The following BNC2 variants were observed in gnomAD, a reference collection of about 807,000 sequenced individuals.
The protein encoded by BNC2 is basonuclin zinc finger protein 2.
A neutral mutation model predicts 76.3 loss-of-function variants in BNC2; 20 were observed. That is an observed-to-expected ratio of 0.26 (90% confidence interval 0.18 to 0.38). BNC2 has a LOEUF of 0.38. BNC2 is among the 10% of genes least tolerant of loss of function. The pLI is 1.00. For missense variants in BNC2, 1,382 were observed against 1,399.8 expected, an observed-to-expected ratio of 0.99 and a Z score of 0.20; for synonymous variants, 582 against 514.8, an observed-to-expected ratio of 1.13 and a Z score of -1.77.
intron 5 of BNC2, chr9:16,476,168 C>T (rs1821923749): frequency 6.6e-6 from 1 of 152,212 alleles, no homozygotes; most frequent in South Asian, 2.1e-4. Flanking sequence ...AGTTCCACTG[C>T]TACTAGAAGC....
At chr9:16,820,700 A>G (rs1293668392) in intron 1 of BNC2, among the ~76,000 whole-genome samples, 1 of 152,170 alleles carries the variant, frequency 6.6e-6, no homozygotes, top group East Asian at 1.9e-4. Flanking sequence ...CTAGAGGAAA[A>G]ATATTTCTCA....
chr9:16,449,460 G>A (rs570350834), intron 5 of BNC2, among the ~76,000 whole-genome samples: 2 of 152,200 alleles, frequency 1.3e-5, no homozygotes, highest in Non-Finnish European at 2.9e-5. Flanking sequence ...TGAGGTTAAT[G>A]ACAATTATCC....
At chr9:16,756,603 A>G (rs769580813) in intron 1 of BNC2, among the ~76,000 whole-genome samples, 2 of 152,032 alleles carry the variant, frequency 1.3e-5, no homozygotes, top group Non-Finnish European at 2.9e-5. Flanking sequence ...GTGATCTCAG[A>G]TTTTCTCTGC....
At chr9:16,463,111 C>T (rs1821620707) in intron 5 of BNC2, among the ~76,000 whole-genome samples, 1 of 152,034 alleles carries the variant, frequency 6.6e-6, no homozygotes, top group Admixed American at 6.6e-5. Context: ...GACTAGTACA[C>T]TAAGAGTGTA....
At chr9:16,866,147 C>T (rs1368188593) in intron 1 of BNC2, among the ~76,000 whole-genome samples, 1 of 152,050 alleles carries the variant, frequency 6.6e-6, no homozygotes, top group African/African-American at 2.4e-5. Flanking sequence ...GACTCTTTAA[C>T]ATAACTGTAT....
intron 3 of BNC2, among the ~76,000 whole-genome samples, chr9:16,703,410 A>C (rs1234994934): frequency 1.3e-5 from 2 of 152,182 alleles, no homozygotes; most frequent in African/African-American, 4.8e-5. Context: ...ACTAAAAAAC[A>C]AATCACTAAA....
At chr9:16,463,859 G>T (rs1427792825) in intron 5 of BNC2, among the ~76,000 whole-genome samples, 1 of 151,866 alleles carries the variant, frequency 6.6e-6, no homozygotes, top group African/African-American at 2.4e-5. Flanking sequence ...ACTTCGGGAG[G>T]CCAAGGCAGG....
intron 5 of BNC2, among the ~76,000 whole-genome samples, chr9:16,475,730 G>C (rs1821914593): frequency 6.6e-6 from 1 of 152,148 alleles, no homozygotes; most frequent in African/African-American, 2.4e-5. Context: ...GCCTGCAACA[G>C]AGTATGCTAC....
chr9:16,707,019 G>A (rs1194445356), intron 3 of BNC2, among the ~76,000 whole-genome samples: 2 of 152,278 alleles, frequency 1.3e-5, no homozygotes, highest in South Asian at 2.1e-4. Flanking sequence ...TGGCTAACAC[G>A]GTGAAACCCC....
chr9:16,649,419 G>C (rs1335011548), intron 3 of BNC2, among the ~76,000 whole-genome samples: 2 of 152,176 alleles, frequency 1.3e-5, no homozygotes, highest in African/African-American at 4.8e-5. Context: ...ACTGGCGACA[G>C]ATCTTTCTTT....
At chr9:16,614,403 G>C (rs1387441103) in intron 3 of BNC2, among the ~76,000 whole-genome samples, 1 of 150,870 alleles carries the variant, frequency 6.6e-6, no homozygotes, top group Non-Finnish European at 1.5e-5. Flanking sequence ...AACAGATTCA[G>C]TTTACTGTGA....
At chr9:16,685,491 G>A (rs1263079475) in intron 3 of BNC2, 1 of 1,164,952 alleles carries the variant, frequency 8.6e-7, no homozygotes, top group Non-Finnish European at 1.2e-6. Flanking sequence ...GGCTTTCCAG[G>A]ACCACTGTTT....
chr9:16,702,144 C>T (rs1823533773), intron 3 of BNC2, among the ~76,000 whole-genome samples: 2 of 152,076 alleles, frequency 1.3e-5, no homozygotes, highest in African/African-American at 2.4e-5. Context: ...TGCCCAGATA[C>T]ATGTATGTTG....
chr9:16,835,707 A>C (rs1431037326), intron 1 of BNC2, among the ~76,000 whole-genome samples: 1 of 152,244 alleles, frequency 6.6e-6, no homozygotes, highest in African/African-American at 2.4e-5. Context: ...CATTTCAGAA[A>C]AAATAAAAAA....
intron 5 of BNC2, among the ~76,000 whole-genome samples, chr9:16,498,111 A>T (rs910075214): frequency 3.5e-5 from 5 of 143,864 alleles, no homozygotes; most frequent in Non-Finnish European, 4.5e-5. Flanking sequence ...ATATTCTATC[A>T]TATGTATATA....
chr9:16,729,066 C>T (rs147045382), intron 2 of BNC2, among the ~76,000 whole-genome samples: 105 of 152,254 alleles, frequency 6.9e-4, no homozygotes, highest in African/African-American at 2.5e-3. Context: ...AATTCTATAA[C>T]GTTTTCCTGC....
intron 1 of BNC2, among the ~76,000 whole-genome samples, chr9:16,787,656 T>C (rs1006927489): frequency 6.6e-6 from 1 of 152,134 alleles, no homozygotes; most frequent in Non-Finnish European, 1.5e-5. Context: ...CTAAAGAGGG[T>C]AACTACTCTG....
At chr9:16,819,525 T>G (rs1412645350) in intron 1 of BNC2, among the ~76,000 whole-genome samples, 1 of 151,740 alleles carries the variant, frequency 6.6e-6, no homozygotes, top group Non-Finnish European at 1.5e-5. Context: ...TAGCCAGGTG[T>G]GGTGGTGTGT....
chr9:16,505,175 A>C (rs1354659463), intron 5 of BNC2, among the ~76,000 whole-genome samples: 1 of 152,240 alleles, frequency 6.6e-6, no homozygotes, highest in Non-Finnish European at 1.5e-5. Context: ...AAAGAGATGC[A>C]GCACAGAACT....
Sources: allele counts gnomAD v4.1 joint callset (sites outside exome capture counted in the v4.1 genomes callset), GRCh38; gene constraint gnomAD v4.1.1; transcripts MANE v1.5; gene names NCBI Gene and HGNC (gene_info 2026-07-23, HGNC 2026-07-21).